Variants in COG5 observed in about 807,000 individuals in gnomAD.
COG5 encodes the protein component of oligomeric golgi complex 5.
COG5 carries 86 observed loss-of-function variants against 110.4 expected under a neutral mutation model. That is an observed-to-expected ratio of 0.78 (90% CI 0.65 to 0.93). The LOEUF is 0.93. Ranked by LOEUF, COG5 falls within the 40% of genes least tolerant of loss-of-function variation. The pLI, the probability that COG5 is intolerant of heterozygous loss-of-function variation, is 0.00. For missense variants in COG5, 1,077 were observed against 987.0 expected, an observed-to-expected ratio of 1.09 and a Z score of -1.22; for synonymous variants, 360 against 334.6, an observed-to-expected ratio of 1.08 and a Z score of -0.83.
intron 14 of COG5, among the ~76,000 whole-genome samples, chr7:107,278,475 G>A (rs995557390): frequency 1.3e-5 from 2 of 151,954 alleles, no homozygotes; most frequent in Non-Finnish European, 2.9e-5. Flanking sequence ...CTGTGTCCAC[G>A]TGTTCTCATT....
At chr7:107,259,560 T>C (rs2116632467) in intron 14 of COG5, among the ~76,000 whole-genome samples, 1 of 152,052 alleles carries the variant, frequency 6.6e-6, no homozygotes. Context: ...CCATGGTGAG[T>C]GGCATCGGTG....
intron 7 of COG5, among the ~76,000 whole-genome samples, chr7:107,390,116 T>C (rs1234774577): frequency 6.6e-6 from 1 of 152,180 alleles, no homozygotes; most frequent in Admixed American, 6.6e-5. Context: ...ATCTGAGGCA[T>C]TCCTACCAGT....
At chr7:107,288,906 A>G (rs1308935357) in intron 12 of COG5, among the ~76,000 whole-genome samples, 1 of 67,176 alleles carries the variant, frequency 1.5e-5, no homozygotes, top group Non-Finnish European at 2.8e-5. Flanking sequence ...TTTCTAACAG[A>G]GATATATATA....
intron 14 of COG5, among the ~76,000 whole-genome samples, chr7:107,281,051 G>A (rs958275381): frequency 2.6e-5 from 4 of 151,754 alleles, no homozygotes; most frequent in Admixed American, 1.3e-4. Flanking sequence ...ATTGGCACAT[G>A]CGTTAAAAAA....
At chr7:107,501,328 T>G (rs1798617509) in intron 6 of COG5, among the ~76,000 whole-genome samples, 1 of 152,034 alleles carries the variant, frequency 6.6e-6, no homozygotes. Flanking sequence ...AATAAAAAAC[T>G]TTGATACATT....
chr7:107,407,303 A>T (rs1454290463), intron 7 of COG5, among the ~76,000 whole-genome samples: 2 of 152,028 alleles, frequency 1.3e-5, no homozygotes, highest in African/African-American at 2.4e-5. Flanking sequence ...AATCACTTGA[A>T]CCCAGGAGTC....
chr7:107,295,058 CACACACACATATAT>C (rs1191723634), intron 12 of COG5, among the ~76,000 whole-genome samples: 19 of 62,100 alleles, frequency 3.1e-4, no homozygotes, highest in African/African-American at 6.0e-4. Flanking sequence ...CACACACACA[CACACACACATATAT>C]ATATATATAT....
At chr7:107,427,868 T>A (rs1793755087) in intron 6 of COG5, among the ~76,000 whole-genome samples, 1 of 152,118 alleles carries the variant, frequency 6.6e-6, no homozygotes, top group Admixed American at 6.5e-5. Context: ...AAGAGTGTTA[T>A]TAAGCAACAG....
intron 6 of COG5, among the ~76,000 whole-genome samples, chr7:107,513,650 A>G (rs1183248901): frequency 5.3e-5 from 8 of 152,186 alleles, no homozygotes; most frequent in Non-Finnish European, 2.9e-5. Flanking sequence ...AACCAACCCA[A>G]ATGTCCAACA....
chr7:107,326,962 G>A (rs1809818136), intron 10 of COG5, among the ~76,000 whole-genome samples: 1 of 152,014 alleles, frequency 6.6e-6, no homozygotes, highest in Non-Finnish European at 1.5e-5. Flanking sequence ...AATTGCTTGA[G>A]CCTAGGTGTT....
At chr7:107,433,897 A>G (rs895836603) in intron 6 of COG5, among the ~76,000 whole-genome samples, 4 of 152,228 alleles carry the variant, frequency 2.6e-5, no homozygotes, top group Non-Finnish European at 5.9e-5. Flanking sequence ...ATGGGAGAAA[A>G]TATTTGCAAA....
chr7:107,412,714 A>G, intron 6 of COG5, 82 bp from the exon 7 acceptor site: 1 of 771,924 alleles, frequency 1.3e-6, no homozygotes, highest in Non-Finnish European at 2.0e-6. Context: ...TAACTTCTCA[A>G]AAAAAAAAAA....
intron 11 of COG5, among the ~76,000 whole-genome samples, chr7:107,314,752 T>TAAAAC (rs1198763223): frequency 5.9e-5 from 9 of 152,058 alleles, no homozygotes; most frequent in Admixed American, 1.3e-4. Flanking sequence ...CTGTCTCAAA[T>TAAAAC]AAAACAAAAC....
intron 11 of COG5, among the ~76,000 whole-genome samples, chr7:107,322,970 T>C (rs531154565): frequency 1.3e-5 from 2 of 152,282 alleles, no homozygotes; most frequent in African/African-American, 2.4e-5. Flanking sequence ...ATGATTCTAG[T>C]TGTTGCCAGG....
At chr7:107,335,010 G>GCAA (rs993418919) in intron 10 of COG5, among the ~76,000 whole-genome samples, 13 of 152,048 alleles carry the variant, frequency 8.5e-5, no homozygotes, top group Non-Finnish European at 1.3e-4. Context: ...ATATTTATAG[G>GCAA]CAACACAAAA....
intron 14 of COG5, among the ~76,000 whole-genome samples, chr7:107,262,120 GCCTCAAGTGATCCACCTA>G (rs1803406520): frequency 6.6e-6 from 1 of 151,770 alleles, no homozygotes; most frequent in African/African-American, 2.4e-5. Context: ...TGAACTCCTG[GCCTCAAGTGATCCACCTA>G]CCTCAGACTC....
chr7:107,553,478 C>T (rs542300189), intron 3 of COG5, among the ~76,000 whole-genome samples: 1 of 152,258 alleles, frequency 6.6e-6, no homozygotes, highest in African/African-American at 2.4e-5. Flanking sequence ...TTAAAGAATA[C>T]TGCATCACAG....
intron 6 of COG5, among the ~76,000 whole-genome samples, chr7:107,490,781 T>C (rs2129127925): frequency 6.6e-6 from 1 of 152,260 alleles, no homozygotes; most frequent in African/African-American, 2.4e-5. Context: ...TCTAAATGGT[T>C]TCAAAGCCTA....
chr7:107,415,817 C>T (rs1224909545), intron 6 of COG5, among the ~76,000 whole-genome samples: 1 of 100,836 alleles, frequency 9.9e-6, no homozygotes. Context: ...TATATACACA[C>T]ATACACGTAT....
Sources: gnomAD v4.1 joint callset for allele counts (sites outside exome capture counted in the v4.1 genomes callset) on GRCh38, gnomAD v4.1.1 for gene constraint, MANE v1.5 for transcripts, NCBI Gene and HGNC (gene_info 2026-07-23, HGNC 2026-07-21) for gene names.